Variants in PLAAT3 observed in about 807,000 individuals in gnomAD.
PLAAT3 encodes the protein phospholipase A and acyltransferase 3.
Under a neutral mutation model 16.7 loss-of-function variants are expected in PLAAT3, and 21 were observed. The observed-to-expected ratio is 1.26, with a 90% confidence interval of 0.89 to 1.81. PLAAT3 has a LOEUF of 1.81. Ranked by LOEUF, PLAAT3 falls within the 40% of genes most tolerant of loss-of-function variation. PLAAT3 has a pLI of 0.00. For synonymous variants in PLAAT3, 76 were observed against 81.7 expected (o/e 0.93, Z 0.38); for missense variants, 219 against 213.7 (o/e 1.02, Z -0.16).
At chr11:63,613,395 A>G (rs1272615933) in intron 2 of PLAAT3, among the ~76,000 whole-genome samples, 1 of 151,422 alleles carries the variant, frequency 6.6e-6, no homozygotes, top group East Asian at 1.9e-4. Context: ...TGGGTGACAG[A>G]GCGAGACTCC....
chr11:63,585,176 C>G (rs1360919842), intron 4 of PLAAT3, among the ~76,000 whole-genome samples: 1 of 152,038 alleles, frequency 6.6e-6, no homozygotes, highest in Admixed American at 6.6e-5. Context: ...CGGTGCACAC[C>G]ACCACGCCCA....
chr11:63,601,162 C>A (rs1938419360), intron 2 of PLAAT3, among the ~76,000 whole-genome samples: 1 of 148,270 alleles, frequency 6.7e-6, no homozygotes, highest in Admixed American at 6.8e-5. Context: ...TCATGTCATT[C>A]TCCCACCTCA....
At chr11:63,591,633 C>G (rs1938155942) in intron 3 of PLAAT3, among the ~76,000 whole-genome samples, 1 of 152,220 alleles carries the variant, frequency 6.6e-6, no homozygotes, top group Non-Finnish European at 1.5e-5. Flanking sequence ...CTCCGCTTTC[C>G]AAAGACCAAT....
At chr11:63,607,360 G>A (rs1938593188) in intron 2 of PLAAT3, among the ~76,000 whole-genome samples, 2 of 152,114 alleles carry the variant, frequency 1.3e-5, no homozygotes, top group Non-Finnish European at 2.9e-5. Flanking sequence ...CAAAAGCCTG[G>A]CTGAAATGTG....
intron 2 of PLAAT3, among the ~76,000 whole-genome samples, chr11:63,603,279 T>TG (rs773443876): frequency 6.6e-6 from 1 of 152,032 alleles, no homozygotes; most frequent in Non-Finnish European, 1.5e-5. Context: ...GCCTCCTCCA[T>TG]GGCAAAGTTC....
intron 4 of PLAAT3, among the ~76,000 whole-genome samples, chr11:63,589,040 C>T (rs1938062251): frequency 7.0e-6 from 1 of 143,058 alleles, no homozygotes; most frequent in South Asian, 2.3e-4. Context: ...ATAATCATGA[C>T]TATTTTTACT....
chr11:63,597,474 C>T (rs1291774463), intron 3 of PLAAT3, among the ~76,000 whole-genome samples: 1 of 152,020 alleles, frequency 6.6e-6, no homozygotes, highest in Non-Finnish European at 1.5e-5. Context: ...TGCAGTAAGC[C>T]GAGATTGCGC....
rs1324684245 is a variant in PLAAT3 at position 63,574,895 on chromosome 11, A to C, written c.*50T>G. 1 of 1,089,344 alleles carries C rather than the reference A, an allele frequency of 9.2e-7. No individual in the cohort carries two copies. The highest frequency in any genetic ancestry group is 1.2e-5 in the South Asian group (1 of 80,090). The allele number at this position is 1,089,344 out of a possible 1,614,324, so 67.5% of individuals were successfully genotyped here. The stretch of plus-strand genomic sequence containing the variant: ...CAAACCCCAAACTCTCTAGCAAAAC[A>C]AGACCCCCTTGATGTATAAAGTCAT... On this transcript the variant is annotated 3_prime_UTR_variant, in exon 5 of 5. Coordinates refer to ENST00000415826, the MANE Select transcript of PLAAT3 (RefSeq NM_001128203.2).
chr11:63,585,637 A>G (rs1224781925), intron 4 of PLAAT3, among the ~76,000 whole-genome samples: 4 of 152,120 alleles, frequency 2.6e-5, no homozygotes, highest in African/African-American at 9.7e-5. Flanking sequence ...AGCAGTAGAG[A>G]TGGCACCTCT....
rs760601728 is a variant in PLAAT3, at chr11:63,594,684, G to A, written c.118+3377C>T. ...AAGGCAGAATGGGAAGCGAGGAACC[G>A]GAGGTGGCCAGGCAGACAAAGCTGT... On this transcript the variant is annotated intron_variant, in intron 3 of 4. Coordinates refer to ENST00000415826, the MANE Select transcript of PLAAT3 (RefSeq NM_001128203.2). Among the ~76,000 whole-genome samples the A allele has an allele frequency of 1.6e-4, 24 of 152,282 alleles. 1 individual carries two copies. The highest frequency in any genetic ancestry group is 3.4e-3 in the Middle Eastern group (1 of 294).
At chr11:63,581,620 C>T (rs1027855940) in intron 4 of PLAAT3, among the ~76,000 whole-genome samples, 5 of 152,190 alleles carry the variant, frequency 3.3e-5, no homozygotes, top group Non-Finnish European at 7.3e-5. Context: ...TTGCTTTCAC[C>T]TTGTGATCTT....
intron 4 of PLAAT3, among the ~76,000 whole-genome samples, chr11:63,587,202 T>G (rs541065154): frequency 3.9e-5 from 6 of 152,252 alleles, no homozygotes; most frequent in Middle Eastern, 3.4e-3. Flanking sequence ...ACTGGAAAAT[T>G]TCCAAGAACT....
In PLAAT3 at chr11:63,590,324, T is replaced by C. The variant is rs1256677549; in HGVS notation, c.163A>G (p.Thr55Ala). The change falls in exon 4 of 5, where the codon ACT becomes GCT. Residue 55 changes from threonine (T) to alanine (A), a missense_variant. Physicochemically the swap from Thr to Ala is moderately conservative, Grantham distance 58 (BLOSUM62 0). Transcript: ENST00000415826. Reference sequence around the variant, plus strand: ...TCCTTCTTCACGATGGCCTTGTCAGTCAGGGCGGACATGACACTGGCTGCA... The same window carrying C: ...TCCTTCTTCACGATGGCCTTGTCAGCCAGGGCGGACATGACACTGGCTGCA... ...AGAASVMSAL[T>A]DKAIVKKELL... The C allele has an allele frequency of 6.2e-7, 1 of 1,613,688 alleles. No individual in the cohort carries two copies. The highest frequency in any genetic ancestry group is 8.5e-7 in the Non-Finnish European group (1 of 1,179,676).
At chr11:63,614,164 G>C (rs892812989) in intron 1 of PLAAT3, 96 bp from the exon 2 acceptor site, 1 of 1,031,476 alleles carries the variant, frequency 9.7e-7, no homozygotes, top group Non-Finnish European at 1.5e-6. Context: ...GGCGTGAGAG[G>C]CGCGCCTCGG....
Position 63,592,839 on chromosome 11 carries a change from T to C in PLAAT3, c.119-2471A>G, listed in dbSNP as rs150632423. Among the ~76,000 whole-genome samples the C allele has an allele frequency of 1.5e-3, 221 of 152,354 alleles. 3 individuals carry two copies. Among genetic ancestry groups the C allele is most frequent in the African/African-American group, 4.8e-3 (200 of 41,584 alleles). ...CAGGACAGGCACTTCAGCAAGTTTA[T>C]AAGCTTCCTTCCAGCTCTAATTTCT... On this transcript the variant is annotated intron_variant, in intron 3 of 4. Transcript: ENST00000415826.
chr11:63,585,896 G>T (rs1028246716), intron 4 of PLAAT3, among the ~76,000 whole-genome samples: 5 of 152,166 alleles, frequency 3.3e-5, no homozygotes, highest in African/African-American at 1.2e-4. Flanking sequence ...ACTATCTCAA[G>T]ATTTGGAATT....
intron 3 of PLAAT3, among the ~76,000 whole-genome samples, chr11:63,596,012 A>C (rs1938277741): frequency 6.6e-6 from 1 of 151,816 alleles, no homozygotes; most frequent in South Asian, 2.1e-4. Flanking sequence ...GAGGCCAAGG[A>C]AGGCGGATCA....
intron 4 of PLAAT3, among the ~76,000 whole-genome samples, chr11:63,588,308 G>T (rs1270854575): frequency 6.6e-6 from 1 of 152,056 alleles, no homozygotes; most frequent in Non-Finnish European, 1.5e-5. Flanking sequence ...GACCGCAAGT[G>T]GTCTGCCCGC....
chr11:63,587,968 C>T (rs944506766), intron 4 of PLAAT3, among the ~76,000 whole-genome samples: 2 of 152,112 alleles, frequency 1.3e-5, no homozygotes, highest in Non-Finnish European at 2.9e-5. Flanking sequence ...AATCCTAGCA[C>T]TTTGGGAGGC....
Sources: gnomAD v4.1 joint callset for allele counts (sites outside exome capture counted in the v4.1 genomes callset) on GRCh38, gnomAD v4.1.1 for gene constraint, MANE v1.5 for transcripts, NCBI Gene and HGNC (gene_info 2026-07-23, HGNC 2026-07-21) for gene names.